The following SETMAR variants were observed in gnomAD, a reference collection of about 807,000 sequenced individuals.
SETMAR encodes the protein histone-lysine N-methyltransferase SETMAR.
SETMAR carries 44 observed loss-of-function variants against 58.4 expected under a neutral mutation model. The observed-to-expected ratio is 0.75, with a 90% confidence interval of 0.59 to 0.97. The LOEUF (loss-of-function observed/expected upper bound fraction) is 0.97. SETMAR is among the 50% of genes least tolerant of loss of function. The pLI is 0.00. For synonymous variants in SETMAR, 332 were observed against 307.4 expected, an observed-to-expected ratio of 1.08 and a Z score of -0.84; for missense variants, 903 against 840.2, an observed-to-expected ratio of 1.07 and a Z score of -0.92.
At position 4,303,906 on chromosome 3, in the gene SETMAR, C is replaced by A. The variant is rs375848723; in HGVS notation, c.156+380C>A. On this transcript the variant is annotated intron_variant, in intron 1 of 2. Coordinates refer to ENST00000358065, the MANE Select transcript of SETMAR (RefSeq NM_006515.4). ...GTGGGGCCTATTAATGGATCGCAGC[C>A]GGTGTCGTGCATAAAAACAGCCCCT... The A allele has an allele frequency of 2.6e-5, 32 of 1,223,834 alleles. No homozygotes were observed. In the African/African-American group the frequency reaches 4.1e-4, roughly 16 times the overall value. 75.8% of individuals were successfully genotyped at this position (1,223,834 alleles called of 1,614,324 possible).
chr3:4,307,558 G>A (rs777469231), intron 1 of SETMAR, among the ~76,000 whole-genome samples: 1 of 152,150 alleles, frequency 6.6e-6, no homozygotes, highest in Admixed American at 6.5e-5. Flanking sequence ...AGACAAGAGT[G>A]TATTTTCTCT....
intron 2 of SETMAR, among the ~76,000 whole-genome samples, chr3:4,314,887 C>CTA (rs1698574215): frequency 6.6e-6 from 1 of 152,148 alleles, no homozygotes; most frequent in African/African-American, 2.4e-5. Flanking sequence ...AACCCTACCA[C>CTA]TAGGAGGCCC....
At chr3:4,311,947 C>A (rs1411219454) in intron 1 of SETMAR, among the ~76,000 whole-genome samples, 1 of 152,122 alleles carries the variant, frequency 6.6e-6, no homozygotes, top group Non-Finnish European at 1.5e-5. Context: ...GAGGATCTAA[C>A]CAGAGATCAG....
chr3:4,311,646 G>A (rs1195227570), intron 1 of SETMAR, among the ~76,000 whole-genome samples: 1 of 152,178 alleles, frequency 6.6e-6, no homozygotes, highest in Non-Finnish European at 1.5e-5. Context: ...ATCCTTCTCT[G>A]AATTGGCAGC....
intron 1 of SETMAR, among the ~76,000 whole-genome samples, chr3:4,311,587 C>T (rs560194894): frequency 2.6e-5 from 4 of 152,182 alleles, no homozygotes; most frequent in Non-Finnish European, 5.9e-5. Flanking sequence ...CACTTCTGAA[C>T]AATGAGATTA....
At chr3:4,308,049 C>A (rs191191172) in intron 1 of SETMAR, among the ~76,000 whole-genome samples, 1 of 152,182 alleles carries the variant, frequency 6.6e-6, no homozygotes. Context: ...TCCCATTCTC[C>A]GTGTCCTTTA....
chr3:4,303,843 TC>T (rs1221968296), intron 1 of SETMAR: 3 of 1,335,218 alleles, frequency 2.2e-6, no homozygotes, highest in African/African-American at 3.0e-5. Flanking sequence ...GTCATTTACC[TC>T]CCTGGTCTCA....
rs1698692837 is a variant in SETMAR at position 4,317,084 on chromosome 3, C to A, written c.1893C>A (p.Asn631Lys). The change falls in exon 3 of 3, where the codon AAC (asparagine) becomes AAA (lysine). Residue 631 changes from asparagine (N) to lysine (K), a missense_variant. Asn to Lys is a moderately conservative substitution (Grantham distance 94). Transcript: ENST00000358065. Reference sequence around the variant, plus strand: ...ACTACCACGTCTTTAAGCATCTCAACAACTTTTTGCAGGGAAAACGCTTCC... The same window carrying A: ...ACTACCACGTCTTTAAGCATCTCAAAAACTTTTTGCAGGGAAAACGCTTCC... ...PTNYHVFKHL[N>K]NFLQGKRFHN... 6 of 1,549,034 alleles carry A rather than the reference C, an allele frequency of 3.9e-6. No individual in the cohort carries two copies. The highest frequency in any genetic ancestry group is 5.2e-6 in the Non-Finnish European group (6 of 1,146,398).
chr3:4,309,410 G>C (rs150640494), intron 1 of SETMAR, among the ~76,000 whole-genome samples: 174 of 152,244 alleles, frequency 1.1e-3, no homozygotes, highest in Non-Finnish European at 2.2e-3. Context: ...TTGGTTAACA[G>C]AGTACATTTT....
At position 4,312,953 on chromosome 3, in the gene SETMAR, C is replaced by T; in HGVS notation, c.212C>T (p.Thr71Ile). ...GCAGACATTGATCCCACTCAAATAA[C>T]CTTTCCCGGATGCATTTGTGTCAAA... ...PGADIDPTQITFPGCICVKTP... is the reference protein window; with the variant it reads ...PGADIDPTQIIFPGCICVKTP... The change falls in exon 2 of 3, where the codon ACC (threonine) becomes ATC (isoleucine). Residue 71 changes from threonine to isoleucine, a missense_variant. Thr to Ile is a moderately conservative substitution (Grantham distance 89). Coordinates refer to ENST00000358065, the MANE Select transcript of SETMAR (RefSeq NM_006515.4). The T allele has an allele frequency of 1.2e-6, 2 of 1,613,858 alleles. No homozygotes were observed. Among genetic ancestry groups the T allele is most frequent in the Non-Finnish European group, 1.7e-6 (2 of 1,179,840 alleles).
At chr3:4,303,562 C>G in intron 1 of SETMAR, 36 bp downstream of exon 1, 1 of 1,337,976 alleles carries the variant, frequency 7.5e-7, no homozygotes, top group South Asian at 2.2e-5. Flanking sequence ...GAGGCGGGCG[C>G]GCGGCTCCCC....
intron 1 of SETMAR, among the ~76,000 whole-genome samples, chr3:4,309,866 A>G (rs76806074): frequency 0.012 from 1,861 of 152,326 alleles, 21 homozygotes; most frequent in African/African-American, 0.038. Context: ...TACAGTTATT[A>G]TTTAACTATG....
chr3:4,313,971 A>C, intron 2 of SETMAR: 1 of 914,270 alleles, frequency 1.1e-6, no homozygotes, highest in Non-Finnish European at 1.6e-6. Context: ...TCCTAGTTAG[A>C]TTTGTCTTAG....
intron 1 of SETMAR, 21 bp downstream of exon 1, chr3:4,303,547 C>T (rs1032517853): frequency 6.7e-6 from 9 of 1,347,824 alleles, no homozygotes; most frequent in Non-Finnish European, 8.5e-6. Flanking sequence ...GGCCAGGCGG[C>T]GCGGGAGGCG....
chr3:4,312,479 A>ATAAC (rs917309266), intron 1 of SETMAR, among the ~76,000 whole-genome samples: 7 of 152,120 alleles, frequency 4.6e-5, no homozygotes, highest in Non-Finnish European at 2.9e-5. Context: ...TATATAACAT[A>ATAAC]CTATTATATA....
chr3:4,313,703 C>A lies in SETMAR; in HGVS notation c.962C>A (p.Pro321His). 5 of 1,613,996 alleles carry A rather than the reference C, an allele frequency of 3.1e-6. No homozygotes were observed. Among genetic ancestry groups the A allele is most frequent in the Non-Finnish European group, 4.2e-6 (5 of 1,179,972 alleles). Residue 321 changes from proline to histidine, a missense_variant, in exon 2 of 3, where the codon CCC (proline) becomes CAC (histidine). Coordinates refer to ENST00000358065, the MANE Select transcript of SETMAR (RefSeq NM_006515.4). ...ATCAGTTGTGGAAATGAGAAGGAACCCAGCATGTGTGGCTCAGCCCCTTCT... is the reference window on the plus strand; with the variant it reads ...ATCAGTTGTGGAAATGAGAAGGAACACAGCATGTGTGGCTCAGCCCCTTCT... ...SNISCGNEKE[P>H]SMCGSAPSVF...
At position 4,316,780 on chromosome 3, in the gene SETMAR, A is replaced by G; in HGVS notation, c.1589A>G (p.Lys530Arg). The change falls in exon 3 of 3, where the codon AAG becomes AGG. Residue 530 changes from lysine to arginine, a missense_variant. Coordinates refer to ENST00000358065, the MANE Select transcript of SETMAR (RefSeq NM_006515.4). ...CCAAAGCCAATCTTGCACCCAAAAA[A>G]GGTCATGGTCACTATTTGGTGGTCT... ...HFPKPILHPK[K>R]VMVTIWWSAA... The G allele has an allele frequency of 1.9e-6, 3 of 1,550,810 alleles. No homozygotes were observed. Among genetic ancestry groups the G allele is most frequent in the Non-Finnish European group, 2.6e-6 (3 of 1,146,746 alleles).
chr3:4,308,018 C>T (rs1264126446), intron 1 of SETMAR, among the ~76,000 whole-genome samples: 2 of 151,772 alleles, frequency 1.3e-5, no homozygotes, highest in African/African-American at 4.8e-5. Context: ...GACTGGGCAG[C>T]AACGTCTTAA....
At position 4,303,516 on chromosome 3, in the gene SETMAR, C is replaced by T. The variant is rs1374827094; in HGVS notation, c.146C>T (p.Ala49Val). 3 of 1,433,326 alleles carry T rather than the reference C, an allele frequency of 2.1e-6. No individual in the cohort carries two copies. The highest frequency in any genetic ancestry group is 1.5e-5 in the African/African-American group (1 of 65,798). The allele number at this position is 1,433,326 out of a possible 1,614,324, so 88.8% of individuals were successfully genotyped here. ...GCGTGGCCCCCGGGGGCCGCGCCGG[C>T]GCCCTTCCAGGTAGGGGCGGGGCCA... Reference protein sequence around the residue: ...VGAWPPGAAPAPFQYTPDHVV... With the variant: ...VGAWPPGAAPVPFQYTPDHVV... Residue 49 changes from alanine (A) to valine (V), a missense_variant, in exon 1 of 3, where the codon GCG becomes GTG. Transcript: ENST00000358065.
Sources: allele counts gnomAD v4.1 joint callset (sites outside exome capture counted in the v4.1 genomes callset), GRCh38; gene constraint gnomAD v4.1.1; transcripts MANE v1.5; gene names NCBI Gene and HGNC (gene_info 2026-07-23, HGNC 2026-07-21).